The following UBA6 variants were observed in gnomAD, a reference collection of about 807,000 sequenced individuals.
UBA6 encodes ubiquitin like modifier activating enzyme 6.
A neutral mutation model predicts 148.3 loss-of-function variants in UBA6; 87 were observed. The ratio of observed to expected loss-of-function variants is 0.59; its 90% CI spans 0.49 to 0.70. UBA6 has a LOEUF of 0.70. UBA6 is among the 30% of genes least tolerant of loss of function. UBA6 has a pLI of 0.00. For synonymous variants in UBA6, 376 were observed against 401.0 expected (o/e 0.94, Z 0.75); for missense variants, 1,186 against 1,241.2 (o/e 0.96, Z 0.67).
Position 67,624,265 on chromosome 4 carries a change from A to G in UBA6, c.2713-12T>C. On this transcript the variant is annotated splice_polypyrimidine_tract_variant and intron_variant, in intron 29 of 32. Coordinates refer to ENST00000322244, the MANE Select transcript of UBA6 (RefSeq NM_018227.6). ...ATCTCCAAGGCAACCTAGATAAAAG[A>G]AGGTGATCTGATAATATAAACAGCC... The G allele has an allele frequency of 6.3e-7, 1 of 1,590,086 alleles. No individual in the cohort carries two copies. Among genetic ancestry groups the G allele is most frequent in the Non-Finnish European group, 8.5e-7 (1 of 1,172,162 alleles).
intron 21 of UBA6, 52 bp from the exon 22 acceptor site, chr4:67,634,374 C>A: frequency 6.4e-7 from 1 of 1,550,984 alleles, no homozygotes; most frequent in Non-Finnish European, 8.7e-7. Flanking sequence ...TGTTTAAAGT[C>A]AGAAATATCT....
rs1728623110 is a variant in UBA6 at position 67,616,192 on chromosome 4, T to C, written c.*2805A>G. 1 of 396,604 alleles carries C rather than the reference T, an allele frequency of 2.5e-6. No individual in the cohort carries two copies. The highest frequency in any genetic ancestry group is 4.4e-6 in the Non-Finnish European group (1 of 224,816). The allele number at this position is 396,604 out of a possible 1,614,324, so 24.6% of individuals were successfully genotyped here. On this transcript the variant is annotated 3_prime_UTR_variant, in exon 33 of 33. Coordinates refer to ENST00000322244, the MANE Select transcript of UBA6 (RefSeq NM_018227.6). ...TTTTTCAGAGAAAGCATTCAGATTA[T>C]ATGTTTTTGAATCTATGAAAAGTAA...
chr4:67,660,278 G>A (rs1227199405), intron 13 of UBA6, among the ~76,000 whole-genome samples: 1 of 152,212 alleles, frequency 6.6e-6, no homozygotes, highest in Non-Finnish European at 1.5e-5. Flanking sequence ...CAAGACAATG[G>A]GAAAATGTCT....
intron 7 of UBA6, among the ~76,000 whole-genome samples, chr4:67,671,827 C>T (rs1024887058): frequency 1.1e-4 from 16 of 152,038 alleles, no homozygotes; most frequent in African/African-American, 3.4e-4. Flanking sequence ...CAATTACAAG[C>T]GAAGAACTGT....
At position 67,678,451 on chromosome 4, in the gene UBA6, T is replaced by C. The variant is rs1658965753; in HGVS notation, c.341A>G (p.Asn114Ser). The change falls in exon 5 of 33, where the codon AAT (asparagine) becomes AGT (serine). Residue 114 changes from asparagine (N) to serine (S), a missense_variant. Physicochemically the swap from Asn to Ser is conservative, Grantham distance 46. Transcript: ENST00000322244. ...NFFLSEDDVV[N>S]KRNRAEAVLK... is the part of the protein sequence containing the mutation. ...AAAATATCTTTACCTGTTTCTCTTA[T>C]TAACAACATCATCTTCACTGAGAAA... 2 of 1,593,724 alleles carry C rather than the reference T, an allele frequency of 1.3e-6. No individual in the cohort carries two copies. The highest frequency in any genetic ancestry group is 1.7e-6 in the Non-Finnish European group (2 of 1,168,454).
At chr4:67,621,303 C>T (rs1302027212) in intron 32 of UBA6, among the ~76,000 whole-genome samples, 1 of 152,156 alleles carries the variant, frequency 6.6e-6, no homozygotes, top group Non-Finnish European at 1.5e-5. Flanking sequence ...AATGATTAAC[C>T]TCAACTGATT....
At chr4:67,660,801 A>G (rs1729831736) in intron 13 of UBA6, among the ~76,000 whole-genome samples, 2 of 152,096 alleles carry the variant, frequency 1.3e-5, no homozygotes, top group African/African-American at 4.8e-5. Context: ...AAGCTGCAAC[A>G]CTCAATGCCA....
intron 32 of UBA6, among the ~76,000 whole-genome samples, chr4:67,620,355 T>G (rs1324858823): frequency 2.6e-5 from 4 of 152,206 alleles, no homozygotes; most frequent in African/African-American, 9.6e-5. Flanking sequence ...TCTTCAAAGG[T>G]AGCTCAAATG....
At position 67,616,379 on chromosome 4, in the gene UBA6, T is replaced by C; in HGVS notation, c.*2618A>G. ...CATTTTACTAATTATAAAATAAACATAGTTGCTTTTTTAATGTTCCATGAA... is the reference window on the plus strand; with the variant it reads ...CATTTTACTAATTATAAAATAAACACAGTTGCTTTTTTAATGTTCCATGAA... On this transcript the variant is annotated 3_prime_UTR_variant, in exon 33 of 33. Transcript: ENST00000322244. 2.9e-6 allele frequency: 1 copy of C among 344,844 alleles called. No individual in the cohort carries two copies. Among genetic ancestry groups the C allele is most frequent in the Non-Finnish European group, 5.2e-6 (1 of 192,854 alleles). 21.4% of individuals were successfully genotyped at this position (344,844 alleles called of 1,614,324 possible).
intron 13 of UBA6, among the ~76,000 whole-genome samples, chr4:67,658,702 A>G (rs749332753): frequency 7.9e-5 from 12 of 152,236 alleles, no homozygotes; most frequent in Admixed American, 6.5e-5. Context: ...AAAAAATGAA[A>G]TGAACATGTA....
At chr4:67,679,544 C>A (rs537948062) in intron 4 of UBA6, among the ~76,000 whole-genome samples, 2 of 151,890 alleles carry the variant, frequency 1.3e-5, no homozygotes, top group South Asian at 4.2e-4. Flanking sequence ...CAGGTAGGAT[C>A]AAAAAACTCT....
chr4:67,653,941 T>C (rs529846747), intron 13 of UBA6, among the ~76,000 whole-genome samples: 2 of 152,270 alleles, frequency 1.3e-5, no homozygotes, highest in South Asian at 4.1e-4. Flanking sequence ...ATATCAGTGA[T>C]TGAAGATCAG....
At chr4:67,637,435 T>C (rs550820686) in intron 19 of UBA6, among the ~76,000 whole-genome samples, 1 of 152,226 alleles carries the variant, frequency 6.6e-6, no homozygotes, top group East Asian at 1.9e-4. Context: ...CTGGGAGGTG[T>C]ACCCAACAGC....
intron 30 of UBA6, among the ~76,000 whole-genome samples, chr4:67,623,729 T>C (rs1178075297): frequency 6.6e-6 from 1 of 152,120 alleles, no homozygotes; most frequent in Non-Finnish European, 1.5e-5. Flanking sequence ...CACACCCTTG[T>C]TAAGGTAGGT....
At chr4:67,634,195 C>T (rs1306717036) in intron 22 of UBA6, 47 bp downstream of exon 22, 1 of 1,298,448 alleles carries the variant, frequency 7.7e-7, no homozygotes, top group Non-Finnish European at 1.1e-6. Context: ...AATAAGATTA[C>T]ACTGACACAA....
intron 5 of UBA6, 130 bp downstream of exon 5, chr4:67,678,309 T>C (rs1233325566): frequency 2.3e-6 from 1 of 443,300 alleles, no homozygotes; most frequent in African/African-American, 2.0e-5. Flanking sequence ...TACATAAAAA[T>C]ATCTTTACCT....
At chr4:67,699,558 C>T (rs1235579356) in intron 1 of UBA6, among the ~76,000 whole-genome samples, 3 of 128,040 alleles carry the variant, frequency 2.3e-5, no homozygotes, top group African/African-American at 5.6e-5. Flanking sequence ...ACAATATACC[C>T]TGTTTGGGCA....
intron 23 of UBA6, 35 bp from the exon 24 acceptor site, chr4:67,631,943 C>T (rs1376722046): frequency 3.8e-6 from 6 of 1,575,382 alleles, no homozygotes; most frequent in Non-Finnish European, 5.2e-6. Flanking sequence ...ACACCCACTA[C>T]TTAATATTAT....
chr4:67,661,494 G>T (rs1316861078), intron 13 of UBA6, among the ~76,000 whole-genome samples: 1 of 152,142 alleles, frequency 6.6e-6, no homozygotes, highest in Non-Finnish European at 1.5e-5. Context: ...TGCCATGATT[G>T]TAAGTTTCCT....
Sources: gnomAD v4.1 joint callset for allele counts (sites outside exome capture counted in the v4.1 genomes callset) on GRCh38, gnomAD v4.1.1 for gene constraint, MANE v1.5 for transcripts, NCBI Gene and HGNC (gene_info 2026-07-23, HGNC 2026-07-21) for gene names.